PEX5: variants seen among roughly 807,000 people sequenced by gnomAD.
PEX5 encodes PTS1 receptor.
PEX5 carries 52 observed loss-of-function variants against 82.9 expected under a neutral mutation model. That is an observed-to-expected ratio of 0.63 (90% CI 0.50 to 0.79). The LOEUF is 0.79. Ranked by LOEUF, PEX5 falls within the 30% of genes least tolerant of loss-of-function variation. The pLI, the probability that PEX5 is intolerant of heterozygous loss-of-function variation, is 0.00. For synonymous variants in PEX5, 300 were observed against 318.8 expected (o/e 0.94, Z 0.63); for missense variants, 719 against 815.2 (o/e 0.88, Z 1.44).
chr12:7,196,244 T>A (rs1484150704), intron 5 of PEX5, among the ~76,000 whole-genome samples: 2 of 30,686 alleles, frequency 6.5e-5, no homozygotes, highest in Admixed American at 5.7e-4. Flanking sequence ...TAATTATATG[T>A]CATATTTAAT....
At chr12:7,200,297 T>C (rs377344289) in intron 6 of PEX5, among the ~76,000 whole-genome samples, 1 of 135,898 alleles carries the variant, frequency 7.4e-6, no homozygotes, top group East Asian at 2.2e-4. Flanking sequence ...CGATGGGTGG[T>C]CGGGCAGAGA....
chr12:7,216,722 T>C (rs6487053), intron 17 of PEX5, among the ~76,000 whole-genome samples: 64,843 of 151,974 alleles, frequency 0.43, 15,362 homozygotes, highest in Admixed American at 0.61. Flanking sequence ...CCAAAACTTT[T>C]TGTATTATTT....
chr12:7,201,994 T>C (rs1225856591), intron 7 of PEX5, 153 bp downstream of exon 7: 1 of 755,994 alleles, frequency 1.3e-6, no homozygotes, highest in Admixed American at 2.1e-5. Context: ...AGATCCTGCC[T>C]CTTCCTTCTA....
downstream of PEX5, among the ~76,000 whole-genome samples, chr12:7,213,134 GA>G: frequency 6.6e-6 from 1 of 150,874 alleles, no homozygotes; most frequent in Admixed American, 6.6e-5. Flanking sequence ...TCAATATTGT[GA>G]AAATGGCCAT....
At chr12:7,197,816 A>G (rs1943037373) in intron 5 of PEX5, among the ~76,000 whole-genome samples, 1 of 152,122 alleles carries the variant, frequency 6.6e-6, no homozygotes, top group Non-Finnish European at 1.5e-5. Context: ...CCCTGCCCAA[A>G]TGTCCCTCTT....
Position 7,197,262 on chromosome 12 carries a change from TTA to T in PEX5, c.449-1743_449-1742del, listed in dbSNP as rs373718358. 2.2e-3 allele frequency among the ~76,000 whole-genome samples: 166 copies of T among 74,294 alleles called. 35 individuals are homozygous for T. The highest frequency in any genetic ancestry group is 7.0e-3 in the African/African-American group (94 of 13,518). 48.7% of individuals were successfully genotyped at this position (74,294 alleles called of 152,430 possible). On this transcript the variant is annotated intron_variant, in intron 5 of 15. Transcript: ENST00000675855. ...AATAATTATATGTCATATGTAATAA[TTA>T]TATATGTCATATATAATGTAATAAT... is the stretch of plus-strand genomic sequence containing the variant.
downstream of PEX5, among the ~76,000 whole-genome samples, chr12:7,213,681 C>A (rs1945692660): frequency 6.7e-6 from 1 of 148,748 alleles, no homozygotes; most frequent in South Asian, 2.2e-4. Flanking sequence ...GACTTCATGT[C>A]TAAAACACCA....
chr12:7,191,463 A>G, intron 4 of PEX5, 105 bp downstream of exon 4: 1 of 1,595,410 alleles, frequency 6.3e-7, no homozygotes, highest in Non-Finnish European at 8.6e-7. Context: ...GAGATGCAGA[A>G]GGAGACAAAA....
Position 7,194,965 on chromosome 12 carries a change from C to T in PEX5, c.448+3265C>T, listed in dbSNP as rs745782173. ...TTTTCACCGCAGCCCCTACTGTTAT[C>T]TCTGCTTTAAAGATAAGGACATGGA... On this transcript the variant is annotated intron_variant, in intron 5 of 15. Coordinates refer to ENST00000675855, the MANE Select transcript of PEX5 (RefSeq NM_001351132.2). Among the ~76,000 whole-genome samples the T allele has an allele frequency of 4.6e-5, 7 of 152,326 alleles. No homozygotes were observed. In the East Asian group the frequency reaches 9.6e-4, roughly 21 times the overall value.
Position 7,197,099 on chromosome 12 carries a change from TTA to T in PEX5, c.449-1906_449-1905del, listed in dbSNP as rs1429126188. Among the ~76,000 whole-genome samples the T allele has an allele frequency of 4.4e-4, 23 of 51,864 alleles. 8 individuals carry two copies. The highest frequency in any genetic ancestry group is 6.3e-4 in the Non-Finnish European group (14 of 22,286). The allele number at this position is 51,864 out of a possible 152,430, so 34.0% of individuals were successfully genotyped here. On this transcript the variant is annotated intron_variant, in intron 5 of 15. Coordinates refer to ENST00000675855, the MANE Select transcript of PEX5 (RefSeq NM_001351132.2). ...ATTATATATGTCACATATAATGTAATTATATATGTCATATAATGTAATAATAT... is the reference window on the plus strand; with the variant it reads ...ATTATATATGTCACATATAATGTAATTATATGTCATATAATGTAATAATAT...
intron 5 of PEX5, among the ~76,000 whole-genome samples, chr12:7,194,964 T>C (rs1209390054): frequency 1.3e-5 from 2 of 152,234 alleles, no homozygotes; most frequent in African/African-American, 2.4e-5. Flanking sequence ...CCTACTGTTA[T>C]CTCTGCTTTA....
intron 6 of PEX5, among the ~76,000 whole-genome samples, chr12:7,200,842 A>G (rs1943785629): frequency 1.3e-5 from 2 of 152,044 alleles, no homozygotes; most frequent in African/African-American, 4.8e-5. Context: ...TGGCAGCAGT[A>G]CAGTCCAGCT....
At chr12:7,209,570 A>G in intron 14 of PEX5, 113 bp from the exon 15 acceptor site, 1 of 110,816 alleles carries the variant, frequency 9.0e-6, no homozygotes, top group Admixed American at 2.0e-4. Context: ...GTTAGCTAAC[A>G]GAGTAGTGAA....
chr12:7,195,530 A>AT (rs1324001647), intron 5 of PEX5, among the ~76,000 whole-genome samples: 3 of 150,822 alleles, frequency 2.0e-5, no homozygotes, highest in South Asian at 4.2e-4. Flanking sequence ...CAGCTCTGGG[A>AT]TTTTTTTTCT....
intron 10 of PEX5, among the ~76,000 whole-genome samples, chr12:7,204,568 C>T (rs760944790): frequency 6.6e-6 from 1 of 152,262 alleles, no homozygotes; most frequent in East Asian, 1.9e-4. Flanking sequence ...ATGTATTTCA[C>T]TAGACTATGA....
chr12:7,197,361 A>G (rs940780252), intron 5 of PEX5, among the ~76,000 whole-genome samples: 10 of 80,934 alleles, frequency 1.2e-4, no homozygotes, highest in African/African-American at 1.7e-4. Context: ...ATACAATGTA[A>G]TAATTATATA....
chr12:7,214,810 CTA>C (rs1327724486), downstream of PEX5, among the ~76,000 whole-genome samples: 1 of 151,872 alleles, frequency 6.6e-6, no homozygotes, highest in Non-Finnish European at 1.5e-5. Flanking sequence ...GATGTTGAAA[CTA>C]ATTTCTTTGG....
intron 1 of PEX5, 194 bp from the exon 2 acceptor site, chr12:7,190,167 GA>G: frequency 1.3e-6 from 2 of 1,498,814 alleles, no homozygotes; most frequent in Non-Finnish European, 1.8e-6. Context: ...GGTGGCCTTT[GA>G]GGGGGGCGGC....
rs1555178233 is a variant in PEX5, at chr12:7,201,151, A to ACACG, written c.552-597_552-596insGCAC. ...TGTGTGCGTGCACACACACACACGC[A>ACACG]CACACATATATACACACATACACAT... On this transcript the variant is annotated intron_variant, in intron 6 of 15. Transcript: ENST00000675855. Among the ~76,000 whole-genome samples, 7 of 49,586 alleles carry ACACG rather than the reference A, an allele frequency of 1.4e-4. No homozygotes were observed. The East Asian group carries it at 1.9e-3, about 14-fold the overall frequency. The allele number at this position is 49,586 out of a possible 152,430, so 32.5% of individuals were successfully genotyped here.
Sources: gnomAD v4.1 joint callset for allele counts (sites outside exome capture counted in the v4.1 genomes callset) on GRCh38, gnomAD v4.1.1 for gene constraint, MANE v1.5 for transcripts, NCBI Gene and HGNC (gene_info 2026-07-23, HGNC 2026-07-21) for gene names.